CSMD1: variants seen among roughly 807,000 people sequenced by gnomAD.
CSMD1 encodes CUB and Sushi multiple domains 1, also known as CUB and sushi domain-containing protein 1.
CSMD1 carries 213 observed loss-of-function variants against 417.5 expected under a neutral mutation model. The observed-to-expected ratio is 0.51, with a 90% CI of 0.46 to 0.57. CSMD1 has a LOEUF of 0.57. Among genes scored for constraint, CSMD1 ranks in the 20% least tolerant of loss-of-function variants. CSMD1 has a pLI of 0.00. For missense variants in CSMD1, 6,923 were observed against 4,529.7 expected, an observed-to-expected ratio of 1.53 and a Z score of -15.17; for synonymous variants, 2,862 against 1,736.8, an observed-to-expected ratio of 1.65 and a Z score of -16.11.
At chr8:4,075,689 T>C (rs1043346433) in intron 3 of CSMD1, among the ~76,000 whole-genome samples, 3 of 152,214 alleles carry the variant, frequency 2.0e-5, no homozygotes, top group Non-Finnish European at 4.4e-5. Flanking sequence ...ACTGGATTCA[T>C]TTTATAGATA....
At chr8:3,195,859 G>C (rs765199462) in intron 33 of CSMD1, among the ~76,000 whole-genome samples, 51 of 152,124 alleles carry the variant, frequency 3.4e-4, no homozygotes, top group Non-Finnish European at 8.8e-5. Flanking sequence ...CTAATGCAGG[G>C]AAAAAATGTA....
chr8:2,998,152 G>C lies in CSMD1; in HGVS notation c.8236C>G (p.His2746Asp). The C allele has an allele frequency of 6.2e-7, 1 of 1,613,964 alleles. No homozygotes were observed. The highest frequency in any genetic ancestry group is 8.5e-7 in the Non-Finnish European group (1 of 1,179,866). Residue 2746 changes from histidine (H) to aspartate (D), a missense_variant, in exon 54 of 70, where the codon CAC becomes GAC. Transcript: ENST00000635120. ...ITCGHPGNPA[H>D]GFTNGSEFNL... ...AACTCACTGCCATTAGTGAATCCGT[G>C]GGCAGGGTTTCCAGGGTGACCACAT...
intron 5 of CSMD1, among the ~76,000 whole-genome samples, chr8:3,870,777 G>C (rs891809236): frequency 6.6e-6 from 1 of 152,058 alleles, no homozygotes; most frequent in African/African-American, 2.4e-5. Context: ...ATTAATTAGA[G>C]CTACTCAGGA....
intron 2 of CSMD1, among the ~76,000 whole-genome samples, chr8:4,515,914 T>G (rs1258945169): frequency 6.6e-6 from 1 of 152,148 alleles, no homozygotes; most frequent in Non-Finnish European, 1.5e-5. Context: ...TAGCCCAAAC[T>G]AGCAGACTTG....
intron 3 of CSMD1, among the ~76,000 whole-genome samples, chr8:4,220,181 C>T (rs758147112): frequency 2.6e-5 from 4 of 152,134 alleles, no homozygotes; most frequent in Non-Finnish European, 5.9e-5. Context: ...GAACTCCTGA[C>T]GTCAGGTGAT....
At chr8:3,581,611 T>A (rs950432925) in intron 9 of CSMD1, among the ~76,000 whole-genome samples, 1 of 152,166 alleles carries the variant, frequency 6.6e-6, no homozygotes, top group African/African-American at 2.4e-5. Context: ...ACCTTGAGAA[T>A]CAGTCCTTCC....
At chr8:4,706,779 G>C (rs1034617830) in intron 1 of CSMD1, among the ~76,000 whole-genome samples, 8 of 152,202 alleles carry the variant, frequency 5.3e-5, no homozygotes, top group Admixed American at 5.2e-4. Flanking sequence ...GGCAACAGAA[G>C]ACGCATTTGA....
At chr8:3,384,882 CAA>C (rs1221500587) in intron 18 of CSMD1, among the ~76,000 whole-genome samples, 5 of 116,540 alleles carry the variant, frequency 4.3e-5, no homozygotes, top group African/African-American at 1.4e-4. Context: ...ATTATATATG[CAA>C]ATATATAATA....
chr8:3,008,092 C>T (rs1808090741), intron 52 of CSMD1, among the ~76,000 whole-genome samples: 2 of 152,106 alleles, frequency 1.3e-5, no homozygotes, highest in Admixed American at 6.5e-5. Context: ...TTGAACAAAG[C>T]ACAGAGACTG....
At chr8:4,120,022 A>G (rs925240635) in intron 3 of CSMD1, among the ~76,000 whole-genome samples, 24 of 152,188 alleles carry the variant, frequency 1.6e-4, no homozygotes, top group African/African-American at 4.1e-4. Flanking sequence ...GCAGTTGATG[A>G]TAATTTAATT....
chr8:4,698,005 A>C (rs1052175350), intron 1 of CSMD1, among the ~76,000 whole-genome samples: 6 of 152,314 alleles, frequency 3.9e-5, no homozygotes, highest in South Asian at 4.1e-4. Context: ...TACATCGAAC[A>C]CTTAATATGT....
chr8:3,403,851 T>C (rs915980260), intron 15 of CSMD1, among the ~76,000 whole-genome samples: 1 of 152,222 alleles, frequency 6.6e-6, no homozygotes, highest in Non-Finnish European at 1.5e-5. Context: ...CCTACCCATT[T>C]ATTAACATTT....
At chr8:3,843,501 A>G (rs1262368661) in intron 5 of CSMD1, among the ~76,000 whole-genome samples, 1 of 152,226 alleles carries the variant, frequency 6.6e-6, no homozygotes, top group Non-Finnish European at 1.5e-5. Flanking sequence ...ATGAAACATG[A>G]GACAGATATG....
intron 3 of CSMD1, among the ~76,000 whole-genome samples, chr8:4,341,817 G>C (rs116893887): frequency 6.6e-6 from 1 of 152,026 alleles, no homozygotes; most frequent in African/African-American, 2.4e-5. Context: ...ATGACTTAAC[G>C]AGCACATCTG....
intron 1 of CSMD1, among the ~76,000 whole-genome samples, chr8:4,672,611 T>C (rs368209540): frequency 6.6e-6 from 1 of 152,256 alleles, no homozygotes; most frequent in East Asian, 1.9e-4. Context: ...GTGCTACGTA[T>C]GCAGAAAAAT....
intron 3 of CSMD1, among the ~76,000 whole-genome samples, chr8:4,366,982 C>G (rs764911438): frequency 6.6e-6 from 1 of 152,008 alleles, no homozygotes; most frequent in African/African-American, 2.4e-5. Flanking sequence ...ATATTTTCTC[C>G]CATTCTGGAG....
chr8:4,125,266 C>T (rs1448276909), intron 3 of CSMD1, among the ~76,000 whole-genome samples: 1 of 152,208 alleles, frequency 6.6e-6, no homozygotes, highest in Non-Finnish European at 1.5e-5. Flanking sequence ...GAAGTCACCC[C>T]TCTGCTCACT....
At chr8:3,635,015 T>C (rs995313103) in intron 7 of CSMD1, among the ~76,000 whole-genome samples, 6 of 151,630 alleles carry the variant, frequency 4.0e-5, no homozygotes, top group African/African-American at 1.5e-4. Flanking sequence ...TAACTAAACA[T>C]TGAAAAACTA....
chr8:3,648,194 T>A (rs561011720), intron 7 of CSMD1, among the ~76,000 whole-genome samples: 48 of 152,252 alleles, frequency 3.2e-4, no homozygotes, highest in Non-Finnish European at 6.6e-4. Context: ...CATATGTGTA[T>A]ATTACTCTTC....
Sources: gnomAD v4.1 joint callset for allele counts (sites outside exome capture counted in the v4.1 genomes callset) on GRCh38, gnomAD v4.1.1 for gene constraint, MANE v1.5 for transcripts, NCBI Gene and HGNC (gene_info 2026-07-23, HGNC 2026-07-21) for gene names.